MAP3K15: variants seen among roughly 807,000 people sequenced by gnomAD.
The protein encoded by MAP3K15 is mitogen-activated protein kinase kinase kinase 15, also known as MAPK/ERK kinase kinase 15.
In MAP3K15, 124 loss-of-function variants were observed where a neutral mutation model predicts 99.5. That is an observed-to-expected ratio of 1.25 (90% CI 1.08 to 1.45). MAP3K15 has a LOEUF of 1.45. Ranked by LOEUF, MAP3K15 falls within the 40% of genes most tolerant of loss-of-function variation. MAP3K15 has a pLI of 0.00. For synonymous variants in MAP3K15, 494 were observed against 439.6 expected, an observed-to-expected ratio of 1.12 and a Z score of -1.55; for missense variants, 1,242 against 1,079.7, an observed-to-expected ratio of 1.15 and a Z score of -2.11.
chrX:19,366,811 C>T (rs898459540), intron 25 of MAP3K15, among the ~76,000 whole-genome samples: 1 of 112,117 alleles, frequency 8.9e-6, no homozygotes, highest in Admixed American at 9.5e-5. Flanking sequence ...GTACAGTTTA[C>T]GTCAATGCCA....
intron 19 of MAP3K15, among the ~76,000 whole-genome samples, chrX:19,379,678 G>A (rs941758983): frequency 9.0e-6 from 1 of 110,598 alleles, no homozygotes; most frequent in Admixed American, 9.6e-5. Context: ...CTGACCTCAG[G>A]TGATCCACCC....
At chrX:19,377,509 A>G (rs186116200) in intron 19 of MAP3K15, among the ~76,000 whole-genome samples, 6 of 110,203 alleles carry the variant, frequency 5.4e-5, no homozygotes, top group African/African-American at 2.0e-4. Context: ...GTGCCACTGT[A>G]CTCCAGTCTG....
chrX:19,456,179 T>C (rs754119609), intron 6 of MAP3K15, among the ~76,000 whole-genome samples: 1 of 111,494 alleles, frequency 9.0e-6, no homozygotes, highest in South Asian at 3.8e-4. Context: ...AGAAAAAGCA[T>C]GTACAGCAAT....
chrX:19,454,028 C>T (rs1381001858), intron 6 of MAP3K15, among the ~76,000 whole-genome samples: 1 of 111,051 alleles, frequency 9.0e-6, no homozygotes, highest in African/African-American at 3.3e-5. Flanking sequence ...GATTCAGTCA[C>T]GTTCATCTCA....
intron 9 of MAP3K15, among the ~76,000 whole-genome samples, chrX:19,418,452 A>C (rs886144369): frequency 3.7e-5 from 4 of 109,392 alleles, no homozygotes; most frequent in Admixed American, 1.9e-4. Flanking sequence ...GTGATGGAAG[A>C]TCAAATGAAT....
At chrX:19,387,420 T>A (rs745876836) in intron 18 of MAP3K15, among the ~76,000 whole-genome samples, 2 of 112,107 alleles carry the variant, frequency 1.8e-5, no homozygotes, top group Non-Finnish European at 3.8e-5. Flanking sequence ...AGGGTCTCAT[T>A]CTGTCGCCCA....
At chrX:19,386,762 C>G (rs2063496101) in intron 18 of MAP3K15, among the ~76,000 whole-genome samples, 1 of 111,449 alleles carries the variant, frequency 9.0e-6, no homozygotes, top group Non-Finnish European at 1.9e-5. Context: ...AACCGAGGCC[C>G]AGGGACCTTC....
intron 6 of MAP3K15, among the ~76,000 whole-genome samples, chrX:19,439,090 G>A (rs1487092088): frequency 9.0e-6 from 1 of 111,298 alleles, no homozygotes; most frequent in African/African-American, 3.3e-5. Context: ...CTAGCCAGTC[G>A]GGAGTCTGAG....
intron 9 of MAP3K15, among the ~76,000 whole-genome samples, chrX:19,420,208 TAG>T (rs984880027): frequency 9.0e-6 from 1 of 110,510 alleles, no homozygotes; most frequent in African/African-American, 3.3e-5. Flanking sequence ...CTGAAGGAAA[TAG>T]AGACACAAAA....
chrX:19,396,901 CT>C (rs34707372), intron 15 of MAP3K15, among the ~76,000 whole-genome samples: 7,823 of 99,317 alleles, frequency 0.079, 437 homozygotes, highest in African/African-American at 0.19. Flanking sequence ...TAAATTTAAA[CT>C]TTTTTTTTTT....
At chrX:19,398,198 G>A (rs779650619) in intron 15 of MAP3K15, 28 bp downstream of exon 15, 14 of 1,205,730 alleles carry the variant, frequency 1.2e-5, no homozygotes, top group South Asian at 3.5e-5. Flanking sequence ...GACGGCACCC[G>A]AAATGCGGAA....
At position 19,424,291 on chromosome X, in the gene MAP3K15, T is replaced by TAC. The variant is rs1555952980; in HGVS notation, c.1439+1238_1439+1239dup. Among the ~76,000 whole-genome samples, 149 of 98,567 alleles carry TAC rather than the reference T, an allele frequency of 1.5e-3. 1 individual carries two copies. The South Asian group carries it at 0.051, about 34-fold the overall frequency. 85.6% of individuals were successfully genotyped at this position (98,567 alleles called of 115,157 possible). A position where few individuals can be genotyped will look rare whatever the true frequency, so the allele number is the denominator to read the frequency against. Reference sequence around the variant, plus strand: ...ACACACATATATACACACATATATATACACATATATATACACACATATATA... The same window carrying TAC: ...ACACACATATATACACACATATATATACACACATATATATACACACATATATA... On this transcript the variant is annotated intron_variant, in intron 9 of 28. Transcript: ENST00000338883.
rs763927650 is a variant in MAP3K15, at chrX:19,460,157, T to C, written c.720-4A>G. ...CAAGGTTTCTTTGTAATAAACACTA[T>C]AGAAAGAAAAACACAAAATCCTCCA... On this transcript the variant is annotated splice_polypyrimidine_tract_variant and splice_region_variant and intron_variant, in intron 4 of 28. Transcript: ENST00000338883. 7 of 1,166,051 alleles carry C rather than the reference T, an allele frequency of 6.0e-6. No individual in the cohort carries two copies. The South Asian group carries it at 7.7e-5, about 13-fold the overall frequency.
intron 1 of MAP3K15, among the ~76,000 whole-genome samples, chrX:19,507,776 C>G (rs1008408498): frequency 9.1e-6 from 1 of 109,574 alleles, no homozygotes; most frequent in Middle Eastern, 4.6e-3. Context: ...GATGGGAACA[C>G]TCTGCACTTT....
Position 19,493,360 on chromosome X carries a change from A to AG in MAP3K15, c.362-4394_362-4393insC, listed in dbSNP as rs1186290919. Among the ~76,000 whole-genome samples the AG allele has an allele frequency of 1.8e-5, 2 of 110,042 alleles. 1 individual carries two copies. The highest frequency in any genetic ancestry group is 6.6e-5 in the African/African-American group (2 of 30,235). On this transcript the variant is annotated intron_variant, in intron 1 of 28. Transcript: ENST00000338883. ...ATACTGCTACTCAAAAAAAAAAAAA[A>AG]AAAAAATTCTGAGCAATTCATGTTC...
Position 19,364,892 on chromosome X carries a change from T to G in MAP3K15, c.3567-2042A>C, listed in dbSNP as rs868848758. 3.4e-3 allele frequency among the ~76,000 whole-genome samples: 197 copies of G among 58,188 alleles called. 2 individuals carry two copies. The highest frequency in any genetic ancestry group is 0.029 in the African/African-American group (171 of 5,884). The allele number at this position is 58,188 out of a possible 115,157, so 50.5% of individuals were successfully genotyped here. ...TGGGCAACAAGAGCGAAACTCTGTC[T>G]CAAAAAAAAAAAAAAAAAAAAATTC... On this transcript the variant is annotated intron_variant, in intron 25 of 28. Transcript: ENST00000338883.
At chrX:19,504,489 A>G (rs2064462365) in intron 1 of MAP3K15, among the ~76,000 whole-genome samples, 1 of 111,710 alleles carries the variant, frequency 9.0e-6, no homozygotes. Context: ...TCAAGCTAAT[A>G]AAGAATCCAG....
At chrX:19,372,450 T>C (rs1001354515) in intron 22 of MAP3K15, among the ~76,000 whole-genome samples, 63 of 112,721 alleles carry the variant, frequency 5.6e-4, no homozygotes, top group Middle Eastern at 4.6e-3. Context: ...TGCAAATTCA[T>C]GTTTCGGCAG....
At chrX:19,410,952 G>T (rs887702208) in intron 11 of MAP3K15, among the ~76,000 whole-genome samples, 3 of 111,470 alleles carry the variant, frequency 2.7e-5, no homozygotes, top group Non-Finnish European at 5.7e-5. Context: ...AGGCCGAGGT[G>T]TGGGGGCGAT....
Sources: gnomAD v4.1 joint callset for allele counts (sites outside exome capture counted in the v4.1 genomes callset) on GRCh38, gnomAD v4.1.1 for gene constraint, MANE v1.5 for transcripts, NCBI Gene and HGNC (gene_info 2026-07-23, HGNC 2026-07-21) for gene names.